The following CNTNAP2 variants were observed in gnomAD, a reference collection of about 807,000 sequenced individuals.
The protein encoded by CNTNAP2 is contactin-associated protein-like 2.
Under a neutral mutation model 155.2 loss-of-function variants are expected in CNTNAP2, and 98 were observed. The observed-to-expected ratio is 0.63, with a 90% CI of 0.54 to 0.75. The LOEUF is 0.75. CNTNAP2 is among the 30% of genes least tolerant of loss of function. The pLI, the probability that CNTNAP2 is intolerant of heterozygous loss-of-function variation, is 0.00. For synonymous variants in CNTNAP2, 651 were observed against 631.2 expected, an observed-to-expected ratio of 1.03 and a Z score of -0.47; for missense variants, 1,727 against 1,688.1, an observed-to-expected ratio of 1.02 and a Z score of -0.40.
At chr7:146,780,823 A>G (rs1802472997) in intron 2 of CNTNAP2, among the ~76,000 whole-genome samples, 1 of 152,144 alleles carries the variant, frequency 6.6e-6, no homozygotes, top group Non-Finnish European at 1.5e-5. Context: ...CTGAACAATG[A>G]GAACACATGG....
At position 146,716,495 on chromosome 7, in the gene CNTNAP2, A is replaced by G. The variant is rs146944456; in HGVS notation, c.98-57776A>G. Reference sequence around the variant, plus strand: ...AAAAGGCAGGTTGTGCTTTGCTGCAATACAAACACCTTTGTTTCTGATGCC... The same window carrying G: ...AAAAGGCAGGTTGTGCTTTGCTGCAGTACAAACACCTTTGTTTCTGATGCC... On this transcript the variant is annotated intron_variant, in intron 1 of 23. Transcript: ENST00000361727. Among the ~76,000 whole-genome samples, 436 of 152,346 alleles carry G rather than the reference A, an allele frequency of 2.9e-3. 2 individuals are homozygous for G. The highest frequency in any genetic ancestry group is 9.8e-3 in the African/African-American group (407 of 41,578).
intron 11 of CNTNAP2, among the ~76,000 whole-genome samples, chr7:147,527,249 T>G (rs1012682029): frequency 1.3e-5 from 2 of 152,004 alleles, no homozygotes; most frequent in African/African-American, 4.8e-5. Flanking sequence ...GGTCTCGATC[T>G]CCTGACCTTG....
chr7:147,084,268 A>G lies in CNTNAP2; in HGVS notation c.551-23879A>G, dbSNP rs1284894460. The stretch of plus-strand genomic sequence containing the variant: ...CATATATGCATAATGCTATATATGT[A>G]TATATAATACATATATGCATAATGC... On this transcript the variant is annotated intron_variant, in intron 4 of 23. Transcript: ENST00000361727. 1.0e-4 allele frequency among the ~76,000 whole-genome samples: 3 copies of G among 30,028 alleles called. 1 individual carries two copies. The highest frequency in any genetic ancestry group is 1.6e-4 in the Non-Finnish European group (3 of 18,466). The allele number at this position is 30,028 out of a possible 152,430, so 19.7% of individuals were successfully genotyped here.
intron 21 of CNTNAP2, 79 bp from the exon 22 acceptor site, chr7:148,383,570 C>G (rs1799118120): frequency 6.3e-7 from 1 of 1,597,290 alleles, no homozygotes; most frequent in African/African-American, 1.3e-5. Context: ...GCTTTGGACA[C>G]AAGCATTCAA....
chr7:147,790,613 T>C (rs1797805608), intron 13 of CNTNAP2, among the ~76,000 whole-genome samples: 1 of 152,244 alleles, frequency 6.6e-6, no homozygotes, highest in African/African-American at 2.4e-5. Context: ...ATTTTATAAC[T>C]TGAATTTCAC....
chr7:147,790,518 C>T (rs907571400), intron 13 of CNTNAP2, among the ~76,000 whole-genome samples: 2 of 152,154 alleles, frequency 1.3e-5, no homozygotes, highest in Non-Finnish European at 2.9e-5. Context: ...TTGTAATAAC[C>T]CTACGTTCTC....
At chr7:147,304,379 T>A (rs1159564872) in intron 9 of CNTNAP2, among the ~76,000 whole-genome samples, 1 of 152,206 alleles carries the variant, frequency 6.6e-6, no homozygotes, top group African/African-American at 2.4e-5. Context: ...AACACAATAA[T>A]TAAATTTACC....
At chr7:146,743,846 A>G (rs113996665) in intron 1 of CNTNAP2, among the ~76,000 whole-genome samples, 2,094 of 152,320 alleles carry the variant, frequency 0.014, 51 homozygotes, top group African/African-American at 0.045. Flanking sequence ...GGTAGTAATC[A>G]TAACTGTTTA....
chr7:146,977,418 A>T (rs1469540472), intron 3 of CNTNAP2, among the ~76,000 whole-genome samples: 3 of 152,192 alleles, frequency 2.0e-5, no homozygotes, highest in Non-Finnish European at 4.4e-5. Flanking sequence ...GTAGAGAATG[A>T]AACGATATAA....
chr7:147,836,709 T>C (rs1352032894), intron 13 of CNTNAP2, among the ~76,000 whole-genome samples: 4 of 152,216 alleles, frequency 2.6e-5, no homozygotes, highest in Non-Finnish European at 4.4e-5. Context: ...TCATGACATT[T>C]CATGGGTAGC....
At chr7:147,606,802 T>C (rs1028585917) in intron 12 of CNTNAP2, among the ~76,000 whole-genome samples, 1 of 152,192 alleles carries the variant, frequency 6.6e-6, no homozygotes, top group Non-Finnish European at 1.5e-5. Flanking sequence ...AAGTGATTGG[T>C]ATTTTCTGAC....
At chr7:146,779,764 C>T (rs372729130) in intron 2 of CNTNAP2, among the ~76,000 whole-genome samples, 43 of 152,338 alleles carry the variant, frequency 2.8e-4, no homozygotes, top group African/African-American at 1.0e-3. Context: ...TTCTCTATCA[C>T]ACCAGAGGGC....
intron 10 of CNTNAP2, among the ~76,000 whole-genome samples, chr7:147,459,115 C>G (rs1243948995): frequency 6.6e-6 from 1 of 152,218 alleles, no homozygotes; most frequent in Admixed American, 6.5e-5. Flanking sequence ...TCTAGCCACA[C>G]ATGATTGTTG....
intron 20 of CNTNAP2, among the ~76,000 whole-genome samples, chr7:148,254,799 A>G (rs956907359): frequency 6.0e-5 from 9 of 150,018 alleles, no homozygotes; most frequent in Non-Finnish European, 1.0e-4. Flanking sequence ...AAAAAAACTT[A>G]ACCATAACAT....
chr7:147,302,519 T>G (rs934311425), intron 9 of CNTNAP2, among the ~76,000 whole-genome samples: 2 of 152,238 alleles, frequency 1.3e-5, no homozygotes, highest in African/African-American at 4.8e-5. Flanking sequence ...GATGCTTGTT[T>G]TGTTATATCG....
intron 13 of CNTNAP2, among the ~76,000 whole-genome samples, chr7:147,653,501 AG>A (rs1471848027): frequency 6.6e-6 from 1 of 152,208 alleles, no homozygotes; most frequent in East Asian, 1.9e-4. Flanking sequence ...TTACTCCATT[AG>A]GGTAGGGACT....
intron 1 of CNTNAP2, among the ~76,000 whole-genome samples, chr7:146,347,119 G>GT (rs1794830524): frequency 7.5e-6 from 1 of 134,180 alleles, no homozygotes; most frequent in South Asian, 2.5e-4. Context: ...GGATAGTGTG[G>GT]TTAGGAATCC....
chr7:147,334,577 A>C (rs902570235), intron 9 of CNTNAP2, among the ~76,000 whole-genome samples: 13 of 152,138 alleles, frequency 8.5e-5, no homozygotes, highest in Admixed American at 3.9e-4. Context: ...GTTCTTTTGG[A>C]GACAAGACTA....
At chr7:146,432,764 A>G (rs1429376620) in intron 1 of CNTNAP2, among the ~76,000 whole-genome samples, 1 of 152,214 alleles carries the variant, frequency 6.6e-6, no homozygotes, top group African/African-American at 2.4e-5. Flanking sequence ...GAGCAAAACC[A>G]AAACTGCAGG....
Sources: gnomAD v4.1 joint callset for allele counts (sites outside exome capture counted in the v4.1 genomes callset) on GRCh38, gnomAD v4.1.1 for gene constraint, MANE v1.5 for transcripts, NCBI Gene and HGNC (gene_info 2026-07-23, HGNC 2026-07-21) for gene names.